ADAM20: variants seen among roughly 807,000 people sequenced by gnomAD.
ADAM20 encodes the protein ADAM metallopeptidase domain 20.
For synonymous variants in ADAM20, 305 were observed against 310.2 expected (o/e 0.98, Z 0.18); for missense variants, 871 against 883.2 (o/e 0.99, Z 0.18).
intron 1 of ADAM20, among the ~76,000 whole-genome samples, 188 bp from the exon 2 acceptor site, chr14:70,525,121 A>C (rs1883561496): frequency 6.6e-6 from 1 of 152,232 alleles, no homozygotes; most frequent in African/African-American, 2.4e-5. Flanking sequence ...CCAAATTTTC[A>C]TGATGGATAC....
the ADAM20 span, among the ~76,000 whole-genome samples, chr14:70,560,338 G>A: frequency 6.6e-6 from 1 of 152,152 alleles, no homozygotes; most frequent in East Asian, 1.9e-4. Context: ...TTTTATAATG[G>A]TCCAGGCACA....
At chr14:70,546,450 G>T in the ADAM20 span, among the ~76,000 whole-genome samples, 1 of 152,110 alleles carries the variant, frequency 6.6e-6, no homozygotes, top group Admixed American at 6.5e-5. Flanking sequence ...AGAAAGGTGG[G>T]GACAACTCAA....
rs1883535779 is a variant in ADAM20 at position 70,524,391 on chromosome 14, C to A, written c.367G>T (p.Val123Phe). The change falls in exon 2 of 2, where the codon GTT (valine) becomes TTT (phenylalanine). Residue 123 changes from valine to phenylalanine, a missense_variant. Transcript: ENST00000256389. ...CCCCCAGAACAGGTACTAAGGGCAA[C>A]CAAGGACTCAGGGACCCCCTCCACA... ...GYVEGVPESL[V>F]ALSTCSGGFL... 6.2e-7 allele frequency: 1 copy of A among 1,613,840 alleles called. No homozygotes were observed. The highest frequency in any genetic ancestry group is 1.3e-5 in the African/African-American group (1 of 74,886).
rs368537670 is a variant in ADAM20, at chr14:70,523,565, G to A, written c.1193C>T (p.Pro398Leu). The change falls in exon 2 of 2, where the codon CCT becomes CTT. Residue 398 changes from proline (P) to leucine (L), a missense_variant. Coordinates refer to ENST00000256389, the MANE Select transcript of ADAM20 (RefSeq NM_003814.5). ...TCTAAATATATTCCCTGGATATGGA[G>A]GCGGTTGAATACATAATCCACTACT... is the stretch of plus-strand genomic sequence containing the variant. ...TISSGLCIQP[P>L]PYPGNIFRLK... The A allele has an allele frequency of 1.6e-5, 26 of 1,613,978 alleles. No homozygotes were observed. The highest frequency in any genetic ancestry group is 2.2e-5 in the East Asian group (1 of 44,890).
chr14:70,562,918 T>C, the ADAM20 span, among the ~76,000 whole-genome samples: 1 of 152,210 alleles, frequency 6.6e-6, no homozygotes, highest in African/African-American at 2.4e-5. Context: ...GAAATATATG[T>C]TTCTGAGTAA....
At chr14:70,567,812 T>C in the ADAM20 span, among the ~76,000 whole-genome samples, 289 of 152,074 alleles carry the variant, frequency 1.9e-3, 1 homozygote, top group South Asian at 4.6e-3. Context: ...GAACCAAAAG[T>C]ATTTATGAAC....
the ADAM20 span, among the ~76,000 whole-genome samples, chr14:70,569,152 CA>C: frequency 7.2e-5 from 11 of 151,986 alleles, no homozygotes; most frequent in Non-Finnish European, 1.6e-4. Context: ...AAATGGCAGC[CA>C]AAAAGTTCAT....
the ADAM20 span, among the ~76,000 whole-genome samples, chr14:70,563,228 T>C: frequency 6.6e-6 from 1 of 152,034 alleles, no homozygotes; most frequent in Admixed American, 6.6e-5. Context: ...GACAGGTAAT[T>C]AGCAGCCCTC....
chr14:70,525,330 T>TGGA (rs1566656560), intron 1 of ADAM20, among the ~76,000 whole-genome samples: 2 of 152,096 alleles, frequency 1.3e-5, no homozygotes, highest in Non-Finnish European at 2.9e-5. Context: ...CCTCCCACCT[T>TGGA]AGCCTCCAAG....
chr14:70,557,832 A>G, the ADAM20 span, among the ~76,000 whole-genome samples: 2 of 151,716 alleles, frequency 1.3e-5, no homozygotes, highest in Non-Finnish European at 2.9e-5. Flanking sequence ...TTTTTCTTCT[A>G]GTGTGACCCA....
the ADAM20 span, among the ~76,000 whole-genome samples, chr14:70,543,153 A>G: frequency 6.6e-6 from 1 of 152,160 alleles, no homozygotes; most frequent in South Asian, 2.1e-4. Context: ...ATTATTTTCT[A>G]CTGTTTAAAT....
the ADAM20 span, among the ~76,000 whole-genome samples, chr14:70,564,132 T>C: frequency 1.1e-4 from 17 of 152,222 alleles, no homozygotes; most frequent in Admixed American, 9.8e-4. Flanking sequence ...ACTGAAAGAC[T>C]GGTAGAGCCT....
chr14:70,577,522 G>C, the ADAM20 span, among the ~76,000 whole-genome samples: 2 of 152,064 alleles, frequency 1.3e-5, no homozygotes, highest in South Asian at 4.2e-4. Context: ...TAGAACACTA[G>C]AACAAATATA....
chr14:70,524,263 A>T lies in ADAM20; in HGVS notation c.495T>A (p.Asp165Glu), dbSNP rs763452040. 2 of 1,614,000 alleles carry T rather than the reference A, an allele frequency of 1.2e-6. No individual in the cohort carries two copies. The highest frequency in any genetic ancestry group is 2.2e-5 in the South Asian group (2 of 91,080). ...EHLVYKIDSD[D>E]TQFPPMRCGL... ...CACATCTCATAGGTGGAAACTGTGT[A>T]TCATCACTGTCTATCTTATATACTA... The change falls in exon 2 of 2, where the codon GAT (aspartate) becomes GAA (glutamate). Residue 165 changes from aspartate to glutamate, a missense_variant. Physicochemically the swap from Asp to Glu is conservative, Grantham distance 45. Coordinates refer to ENST00000256389, the MANE Select transcript of ADAM20 (RefSeq NM_003814.5).
At chr14:70,538,340 C>A (rs1200334781), upstream of ADAM20, among the ~76,000 whole-genome samples, 1 of 152,000 alleles carries the variant, frequency 6.6e-6, no homozygotes, top group Admixed American at 6.6e-5. Flanking sequence ...CCGGAAAATC[C>A]CCCTCATTAT....
At chr14:70,534,160 C>T (rs535543796) in intron 1 of ADAM20, among the ~76,000 whole-genome samples, 1 of 149,232 alleles carries the variant, frequency 6.7e-6, no homozygotes, top group Non-Finnish European at 1.5e-5. Context: ...TAATCTTATC[C>T]TAAATTATTT....
chr14:70,524,102 C>T lies in ADAM20; in HGVS notation c.656G>A (p.Arg219Lys). The change falls in exon 2 of 2, where the codon AGA (arginine) becomes AAA (lysine). Residue 219 changes from arginine (R) to lysine (K), a missense_variant. Transcript: ENST00000256389. ...TGCATTACTTTGAGAGAAAAGATATCTAATATTATCCACGACCACTACCAG... is the reference window on the plus strand; with the variant it reads ...TGCATTACTTTGAGAGAAAAGATATTTAATATTATCCACGACCACTACCAG... ...VELVVVVDNIRYLFSQSNATT... is the reference protein window; with the variant it reads ...VELVVVVDNIKYLFSQSNATT... 6.2e-7 allele frequency: 1 copy of T among 1,613,860 alleles called. No individual in the cohort carries two copies. Among genetic ancestry groups the T allele is most frequent in the Non-Finnish European group, 8.5e-7 (1 of 1,179,938 alleles).
chr14:70,566,750 C>A, the ADAM20 span, among the ~76,000 whole-genome samples: 1 of 152,086 alleles, frequency 6.6e-6, no homozygotes, highest in Non-Finnish European at 1.5e-5. Context: ...GAGGCCGAGG[C>A]AGGCAGATCA....
At chr14:70,559,880 C>T in the ADAM20 span, among the ~76,000 whole-genome samples, 1 of 152,078 alleles carries the variant, frequency 6.6e-6, no homozygotes, top group South Asian at 2.1e-4. Context: ...GAAGTAAATC[C>T]ATTTGAATAA....
Sources: allele counts gnomAD v4.1 joint callset (sites outside exome capture counted in the v4.1 genomes callset), GRCh38; gene constraint gnomAD v4.1.1; transcripts MANE v1.5; gene names NCBI Gene and HGNC (gene_info 2026-07-23, HGNC 2026-07-21).